PMM2: variants seen among roughly 807,000 people sequenced by gnomAD.
PMM2 encodes phosphomannomutase 2, also known as mannose-6-phosphate isomerase.
In PMM2, 35 loss-of-function variants were observed where a neutral mutation model predicts 33.2. That is an observed-to-expected ratio of 1.06 (90% CI 0.81 to 1.40). PMM2 has a LOEUF of 1.40. Ranked by LOEUF, PMM2 falls within the 40% of genes most tolerant of loss-of-function variation. The pLI, the probability that PMM2 is intolerant of heterozygous loss-of-function variation, is 0.00. For synonymous variants in PMM2, 153 were observed against 114.7 expected, an observed-to-expected ratio of 1.33 and a Z score of -2.13; for missense variants, 386 against 306.0, an observed-to-expected ratio of 1.26 and a Z score of -1.95.
At chr16:8,823,746 T>C (rs1390281571) in intron 7 of PMM2, among the ~76,000 whole-genome samples, 2 of 152,172 alleles carry the variant, frequency 1.3e-5, no homozygotes, top group African/African-American at 4.8e-5. Context: ...CTCATGGTCC[T>C]AAGATAATTT....
At chr16:8,810,466 T>C (rs1014409260) in intron 4 of PMM2, 1 of 153,584 alleles carries the variant, frequency 6.5e-6, no homozygotes, top group Admixed American at 6.5e-5. Flanking sequence ...GAAAGTGAGC[T>C]ATGTATAATT....
chr16:8,830,957 G>C (rs988866380), intron 7 of PMM2, among the ~76,000 whole-genome samples: 2 of 152,168 alleles, frequency 1.3e-5, no homozygotes, highest in African/African-American at 4.8e-5. Context: ...TGGTCAACAG[G>C]GTGAAACCCC....
chr16:8,844,479 GGT>G (rs2060911354), intron 7 of PMM2, among the ~76,000 whole-genome samples: 1 of 152,162 alleles, frequency 6.6e-6, no homozygotes. Context: ...AAGGAGAAGG[GGT>G]TGGGGGGTTC....
chr16:8,839,389 T>A (rs763430137), intron 7 of PMM2, among the ~76,000 whole-genome samples: 2 of 151,972 alleles, frequency 1.3e-5, no homozygotes, highest in Non-Finnish European at 2.9e-5. Context: ...GTCCTAGGGA[T>A]CCAGCTAGGG....
At chr16:8,818,556 G>A (rs2060720321) in intron 7 of PMM2, among the ~76,000 whole-genome samples, 1 of 152,180 alleles carries the variant, frequency 6.6e-6, no homozygotes, top group Non-Finnish European at 1.5e-5. Context: ...CCGGCGTCCA[G>A]GGAAGTGATC....
chr16:8,798,859 A>G (rs1596482448), intron 1 of PMM2, among the ~76,000 whole-genome samples: 2 of 152,272 alleles, frequency 1.3e-5, no homozygotes, highest in East Asian at 3.9e-4. Context: ...GCTTGGTGGT[A>G]ACAATGGTGT....
intron 7 of PMM2, among the ~76,000 whole-genome samples, chr16:8,838,616 A>G (rs2141043897): frequency 6.6e-6 from 1 of 152,054 alleles, no homozygotes; most frequent in East Asian, 1.9e-4. Flanking sequence ...TAGAAGAAAC[A>G]TTTGTTGTAT....
chr16:8,815,385 C>T (rs533287284), intron 7 of PMM2, among the ~76,000 whole-genome samples: 1 of 152,188 alleles, frequency 6.6e-6, no homozygotes, highest in Admixed American at 6.5e-5. Flanking sequence ...AGCCTGCCAC[C>T]ACGCCCGGCT....
chr16:8,800,117 G>A (rs748870868), intron 1 of PMM2, among the ~76,000 whole-genome samples: 1 of 152,086 alleles, frequency 6.6e-6, no homozygotes, highest in African/African-American at 2.4e-5. Flanking sequence ...CCAGCACTTG[G>A]GGAGGCTGAG....
chr16:8,824,619 C>T (rs1485970389), intron 7 of PMM2, among the ~76,000 whole-genome samples: 1 of 151,788 alleles, frequency 6.6e-6, no homozygotes, highest in East Asian at 1.9e-4. Flanking sequence ...TTTTAATACA[C>T]CAAATAAGCC....
At chr16:8,816,441 G>GT (rs956189804) in intron 7 of PMM2, among the ~76,000 whole-genome samples, 9 of 150,016 alleles carry the variant, frequency 6.0e-5, no homozygotes, top group South Asian at 4.5e-4. Context: ...GGCTAATTTT[G>GT]TTTTTTTTAA....
intron 1 of PMM2, among the ~76,000 whole-genome samples, chr16:8,798,486 G>C (rs2060592473): frequency 6.6e-6 from 1 of 152,156 alleles, no homozygotes; most frequent in Non-Finnish European, 1.5e-5. Context: ...GTGTCTGTGA[G>C]GATCAAATGA....
intron 7 of PMM2, among the ~76,000 whole-genome samples, chr16:8,840,087 C>T (rs1444789458): frequency 2.0e-5 from 3 of 151,476 alleles, no homozygotes; most frequent in African/African-American, 4.9e-5. Context: ...GCTGTGTAGG[C>T]ACTGGAAGAA....
chr16:8,806,440 GA>G, intron 4 of PMM2, 33 bp downstream of exon 4: 1 of 1,307,802 alleles, frequency 7.6e-7, no homozygotes, highest in Non-Finnish European at 1.1e-6. Context: ...GGCGTCACAG[GA>G]ACATAGCGTA....
chr16:8,845,384 C>G (rs1161444483), intron 7 of PMM2, among the ~76,000 whole-genome samples: 1 of 152,146 alleles, frequency 6.6e-6, no homozygotes, highest in African/African-American at 2.4e-5. Flanking sequence ...TCTTTAGTTA[C>G]TTCAGGCCAT....
chr16:8,836,231 G>A (rs1256145081), intron 7 of PMM2, among the ~76,000 whole-genome samples: 1 of 151,864 alleles, frequency 6.6e-6, no homozygotes, highest in Non-Finnish European at 1.5e-5. Context: ...CCCGATGCTC[G>A]GCGTCCGTGA....
intron 7 of PMM2, among the ~76,000 whole-genome samples, chr16:8,840,294 C>T (rs2060881520): frequency 6.6e-6 from 1 of 151,852 alleles, no homozygotes; most frequent in Non-Finnish European, 1.5e-5. Flanking sequence ...GGTGCCTTGC[C>T]AGCAAAGATC....
intron 7 of PMM2, among the ~76,000 whole-genome samples, chr16:8,840,585 A>G (rs1330371416): frequency 1.3e-5 from 2 of 152,036 alleles, no homozygotes; most frequent in South Asian, 2.1e-4. Context: ...GGGATGTATT[A>G]GGCTCATAAG....
intron 7 of PMM2, among the ~76,000 whole-genome samples, chr16:8,836,907 A>T (rs8182102): frequency 6.6e-6 from 1 of 151,678 alleles, no homozygotes; most frequent in Non-Finnish European, 1.5e-5. Flanking sequence ...AGCTCCAGCC[A>T]CCTTTTCAAG....
Sources: allele counts gnomAD v4.1 joint callset (sites outside exome capture counted in the v4.1 genomes callset), GRCh38; gene constraint gnomAD v4.1.1; transcripts MANE v1.5; gene names NCBI Gene and HGNC (gene_info 2026-07-23, HGNC 2026-07-21).